Variants in LORICRIN observed in about 807,000 individuals in gnomAD.
The protein encoded by LORICRIN is loricrin cornified envelope precursor protein.
LORICRIN carries 5 observed loss-of-function variants against 3.3 expected under a neutral mutation model. The observed-to-expected ratio is 1.52, with a 90% confidence interval of 0.79 to 3.19. LORICRIN has a LOEUF of 3.19. LORICRIN is among the 30% of genes most tolerant of loss of function. The probability of loss-of-function intolerance (pLI) is 0.00; values close to 1 mark genes in which losing one functional copy is unlikely to be tolerated. For missense variants in LORICRIN, 524 were observed against 460.2 expected (o/e 1.14, Z -1.27); for synonymous variants, 237 against 231.4 (o/e 1.02, Z -0.22).
Position 153,261,961 on chromosome 1 carries a change from A to C in LORICRIN, c.*73A>C, listed in dbSNP as rs1658819649. The C allele has an allele frequency of 1.4e-6, 2 of 1,465,036 alleles. No individual in the cohort carries two copies. The highest frequency in any genetic ancestry group is 2.8e-5 in the African/African-American group (2 of 71,726). 90.8% of individuals were successfully genotyped at this position (1,465,036 alleles called of 1,614,324 possible). On this transcript the variant is annotated 3_prime_UTR_variant, in exon 2 of 2. Coordinates refer to ENST00000368742, the MANE Select transcript of LORICRIN (RefSeq NM_000427.3). Reference sequence around the variant, plus strand: ...GGGCACCGATGGGCTTAGAGCTCTCATGATGCTACCCGAGGTTTGCAAATC... The same window carrying C: ...GGGCACCGATGGGCTTAGAGCTCTCCTGATGCTACCCGAGGTTTGCAAATC...
intron 1 of LORICRIN, among the ~76,000 whole-genome samples, chr1:153,260,011 A>G (rs1658725926): frequency 6.6e-6 from 1 of 152,114 alleles, no homozygotes; most frequent in African/African-American, 2.4e-5. Flanking sequence ...GGTGCCGGGC[A>G]CAGAAGGACT....
chr1:153,261,515 A>ACTCTGGCGGCGC lies in LORICRIN; in HGVS notation c.577_578insCCTCTGGCGGCG (p.Gly192_Gly193insAlaSerGlyGly). 6.7e-7 allele frequency: 1 copy of ACTCTGGCGGCGC among 1,496,406 alleles called. No individual in the cohort carries two copies. Among genetic ancestry groups the ACTCTGGCGGCGC allele is most frequent in the Non-Finnish European group, 8.8e-7 (1 of 1,132,672 alleles). The allele number at this position is 1,496,406 out of a possible 1,614,324, so 92.7% of individuals were successfully genotyped here. A position where few individuals can be genotyped will look rare whatever the true frequency, so the allele number is the denominator to read the frequency against. On this transcript the variant is annotated inframe_insertion, in exon 2 of 2. Transcript: ENST00000368742. ...GGGGGCGGCGGCTCTGTCTGCGGCT[A>ACTCTGGCGGCGC]CTCTGGCGGCGGCTCTGGCTGCGGC...
Position 153,261,341 on chromosome 1 carries a change from G to T in LORICRIN, c.392G>T (p.Ser131Ile). The T allele has an allele frequency of 6.8e-7, 1 of 1,469,486 alleles. No homozygotes were observed. Among genetic ancestry groups the T allele is most frequent in the Non-Finnish European group, 8.9e-7 (1 of 1,118,812 alleles). 91.0% of individuals were successfully genotyped at this position (1,469,486 alleles called of 1,614,324 possible). The change falls in exon 2 of 2, where the codon AGC becomes ATC. Residue 131 changes from serine (S) to isoleucine (I), a missense_variant. Ser to Ile is a moderately radical substitution (Grantham distance 142). Transcript: ENST00000368742. Reference protein sequence around the residue: ...SSGGGSGCFSSGGGGSSGGGS... With the variant: ...SSGGGSGCFSIGGGGSSGGGS... ...GGGGGCGGCTCCGGCTGCTTCTCCA[G>T]CGGTGGGGGCGGCTCCTCCGGGGGC...
intron 1 of LORICRIN, among the ~76,000 whole-genome samples, chr1:153,260,175 C>T (rs184579694): frequency 3.0e-4 from 46 of 152,314 alleles, no homozygotes; most frequent in African/African-American, 1.1e-3. Flanking sequence ...AATCCAATTG[C>T]TGTTTTACAG....
Position 153,261,912 on chromosome 1 carries a change from G to C in LORICRIN, c.*24G>C. ...AGATCCCCCAGGGTACCACGGAGGC[G>C]AAGGAGTTGGAGGTGTTTTCCAGGG... On this transcript the variant is annotated 3_prime_UTR_variant, in exon 2 of 2. Transcript: ENST00000368742. 1 of 1,603,902 alleles carries C rather than the reference G, an allele frequency of 6.2e-7. No homozygotes were observed. The highest frequency in any genetic ancestry group is 1.7e-4 in the Middle Eastern group (1 of 6,054).
rs1658817569 is a variant in LORICRIN at position 153,261,888 on chromosome 1, G to C, written c.939G>C (p.Ter313TyrextTer37). ...AGGCGCCTACCTGGCCGTCCAAATAGATCCCCCAGGGTACCACGGAGGCGA... is the reference window on the plus strand; with the variant it reads ...AGGCGCCTACCTGGCCGTCCAAATACATCCCCCAGGGTACCACGGAGGCGA... Reference protein sequence around the residue: ...QKQAPTWPSK* With the variant: ...QKQAPTWPSKY The change falls in exon 2 of 2, where the codon TAG (stop) becomes TAC (tyrosine). Residue 313 changes from the stop codon to tyrosine, a stop_lost. Coordinates refer to ENST00000368742, the MANE Select transcript of LORICRIN (RefSeq NM_000427.3). 6.2e-7 allele frequency: 1 copy of C among 1,610,922 alleles called. No individual in the cohort carries two copies. Among genetic ancestry groups the C allele is most frequent in the Non-Finnish European group, 8.5e-7 (1 of 1,179,198 alleles).
At position 153,261,790 on chromosome 1, in the gene LORICRIN, G is replaced by A. The variant is rs778128782; in HGVS notation, c.841G>A (p.Gly281Ser). Residue 281 changes from glycine (G) to serine (S), a missense_variant, in exon 2 of 2, where the codon GGC becomes AGC. Coordinates refer to ENST00000368742, the MANE Select transcript of LORICRIN (RefSeq NM_000427.3). ...VCGGGSSGGG[G>S]GGSSVGGSGS... is the part of the protein sequence containing the mutation. ...CGGAGGTGGTTCCTCTGGAGGCGGC[G>A]GCGGCGGCTCCTCCGTGGGTGGCTC... 6 of 1,605,304 alleles carry A rather than the reference G, an allele frequency of 3.7e-6. No homozygotes were observed. The South Asian group carries it at 4.4e-5, about 12-fold the overall frequency.
chr1:153,260,645 G>A (rs1658744359), intron 1 of LORICRIN, among the ~76,000 whole-genome samples: 1 of 152,196 alleles, frequency 6.6e-6, no homozygotes, highest in African/African-American at 2.4e-5. Flanking sequence ...AGAGGCGGGC[G>A]TGTGGGTGAT....
In LORICRIN at chr1:153,261,167, G is replaced by A. The variant is rs1047143777; in HGVS notation, c.218G>A (p.Gly73Asp). The A allele has an allele frequency of 2.1e-5, 28 of 1,339,950 alleles. No homozygotes were observed. Among genetic ancestry groups the A allele is most frequent in the Admixed American group, 8.3e-5 (2 of 24,050 alleles). 83.0% of individuals were successfully genotyped at this position (1,339,950 alleles called of 1,614,324 possible). A position where few individuals can be genotyped will look rare whatever the true frequency, so the allele number is the denominator to read the frequency against. Residue 73 changes from glycine (G) to aspartate (D), a missense_variant, in exon 2 of 2, where the codon GGC (glycine) becomes GAC (aspartate). Transcript: ENST00000368742. Reference sequence around the variant, plus strand: ...GGCGGGGGCTCCTCCGGCGGCGGGGGCGGGGGCGGCATTGGAGGCTGCGGA... The same window carrying A: ...GGCGGGGGCTCCTCCGGCGGCGGGGACGGGGGCGGCATTGGAGGCTGCGGA... ...GCGGGSSGGG[G>D]GGGIGGCGGG... is the part of the protein sequence containing the mutation.
intron 1 of LORICRIN, 116 bp downstream of exon 1, chr1:153,259,849 C>T (rs1377069655): frequency 1.3e-5 from 2 of 152,328 alleles, no homozygotes; most frequent in African/African-American, 2.4e-5. Context: ...TCTGCCTTCC[C>T]AAAAGCACTC....
chr1:153,261,059 T>TCGGCGG lies in LORICRIN; in HGVS notation c.118_123dup (p.Gly40_Gly41dup), dbSNP rs770195151. 10 of 1,513,550 alleles carry TCGGCGG rather than the reference T, an allele frequency of 6.6e-6. No individual in the cohort carries two copies. Among genetic ancestry groups the TCGGCGG allele is most frequent in the Non-Finnish European group, 8.0e-6 (9 of 1,125,670 alleles). 93.8% of individuals were successfully genotyped at this position (1,513,550 alleles called of 1,614,324 possible). A position where few individuals can be genotyped will look rare whatever the true frequency, so the allele number is the denominator to read the frequency against. Reference sequence around the variant, plus strand: ...AGCGGCGGTGGTGGCTGCGGCTTCTTCGGCGGCGGCGGCTCAGGGGGCGGT... The same window carrying TCGGCGG: ...AGCGGCGGTGGTGGCTGCGGCTTCTTCGGCGGCGGCGGCGGCGGCTCAGGGGGCGGT... On this transcript the variant is annotated inframe_insertion, in exon 2 of 2. Transcript: ENST00000368742.
chr1:153,260,661 C>T (rs1412794563), intron 1 of LORICRIN, among the ~76,000 whole-genome samples: 1 of 152,136 alleles, frequency 6.6e-6, no homozygotes, highest in Non-Finnish European at 1.5e-5. Flanking sequence ...GTGATCTGCC[C>T]TCAAATCACA....
rs978384962 is a variant in LORICRIN, at chr1:153,261,691, G to C, written c.742G>C (p.Gly248Arg). The change falls in exon 2 of 2, where the codon GGG (glycine) becomes CGG (arginine). Residue 248 changes from glycine to arginine, a missense_variant. Transcript: ENST00000368742. Reference sequence around the variant, plus strand: ...CTGCTTCTCCAGCGGCGGGGGCGGCGGGAGCTCCGGCTGCGGCGGCGGCTC... The same window carrying C: ...CTGCTTCTCCAGCGGCGGGGGCGGCCGGAGCTCCGGCTGCGGCGGCGGCTC... Reference protein sequence around the residue: ...SGCFSSGGGGGSSGCGGGSSG... With the variant: ...SGCFSSGGGGRSSGCGGGSSG... The C allele has an allele frequency of 6.7e-7, 1 of 1,503,426 alleles. No individual in the cohort carries two copies. Among genetic ancestry groups the C allele is most frequent in the East Asian group, 2.6e-5 (1 of 38,468 alleles). The allele number at this position is 1,503,426 out of a possible 1,614,324, so 93.1% of individuals were successfully genotyped here. A position where few individuals can be genotyped will look rare whatever the true frequency, so the allele number is the denominator to read the frequency against.
chr1:153,261,486 C>G lies in LORICRIN; in HGVS notation c.537C>G (p.Ser179Arg), dbSNP rs780583393. Residue 179 changes from serine (S) to arginine (R), a missense_variant, in exon 2 of 2, where the codon AGC becomes AGG. Ser to Arg is a moderately radical substitution (Grantham distance 110). Transcript: ENST00000368742. Reference sequence around the variant, plus strand: ...GGGGCGGCTCCGGCTGCTTCTCCAGCGGCGGGGGCGGCGGCTCTGTCTGCG... The same window carrying G: ...GGGGCGGCTCCGGCTGCTTCTCCAGGGGCGGGGGCGGCGGCTCTGTCTGCG... ...SSGGGSGCFS[S>R]GGGGGSVCGY... 4.7e-6 allele frequency: 7 copies of G among 1,495,854 alleles called. No individual in the cohort carries two copies. Among genetic ancestry groups the G allele is most frequent in the Non-Finnish European group, 6.2e-6 (7 of 1,126,114 alleles). The allele number at this position is 1,495,854 out of a possible 1,614,324, so 92.7% of individuals were successfully genotyped here. A position where few individuals can be genotyped will look rare whatever the true frequency, so the allele number is the denominator to read the frequency against.
At position 153,260,928 on chromosome 1, in the gene LORICRIN, C is replaced by T; in HGVS notation, c.-22C>T. The T allele has an allele frequency of 6.4e-7, 1 of 1,569,486 alleles. No individual in the cohort carries two copies. Among genetic ancestry groups the T allele is most frequent in the African/African-American group, 1.4e-5 (1 of 72,060 alleles). On this transcript the variant is annotated splice_region_variant and 5_prime_UTR_variant, in exon 2 of 2. Transcript: ENST00000368742. Reference sequence around the variant, plus strand: ...CGATGCTCTCTTCTCCCCTTCCAGGCTCTCCTTCCTTCTCAGACAAGATGT... The same window carrying T: ...CGATGCTCTCTTCTCCCCTTCCAGGTTCTCCTTCCTTCTCAGACAAGATGT...
chr1:153,261,902 C>T lies in LORICRIN; in HGVS notation c.*14C>T, dbSNP rs1335311062. 6.2e-7 allele frequency: 1 copy of T among 1,608,810 alleles called. No individual in the cohort carries two copies. ...CCGTCCAAATAGATCCCCCAGGGTACCACGGAGGCGAAGGAGTTGGAGGTG... is the reference window on the plus strand; with the variant it reads ...CCGTCCAAATAGATCCCCCAGGGTATCACGGAGGCGAAGGAGTTGGAGGTG... On this transcript the variant is annotated 3_prime_UTR_variant, in exon 2 of 2. Coordinates refer to ENST00000368742, the MANE Select transcript of LORICRIN (RefSeq NM_000427.3).
Position 153,261,085 on chromosome 1 carries a change from A to G in LORICRIN, c.136A>G (p.Ser46Gly). The change falls in exon 2 of 2, where the codon AGC becomes GGC. Residue 46 changes from serine (S) to glycine (G), a missense_variant. Physicochemically the swap from Ser to Gly is moderately conservative, Grantham distance 56 (BLOSUM62 0). Transcript: ENST00000368742. ...CGGCGGCGGCGGCTCAGGGGGCGGT[A>G]GCAGCGGTTCTGGCTGCGGCTACTC... ...FFGGGGSGGG[S>G]SGSGCGYSGG... 6.9e-7 allele frequency: 1 copy of G among 1,447,166 alleles called. No homozygotes were observed. 89.6% of individuals were successfully genotyped at this position (1,447,166 alleles called of 1,614,324 possible). A position where few individuals can be genotyped will look rare whatever the true frequency, so the allele number is the denominator to read the frequency against.
At chr1:153,260,792 A>C (rs1263562862) in intron 1 of LORICRIN, 135 bp from the exon 2 acceptor site, 2 of 564,880 alleles carry the variant, frequency 3.5e-6, no homozygotes. Flanking sequence ...AGCAGCAATC[A>C]TAAGAAACCC....
intron 1 of LORICRIN, among the ~76,000 whole-genome samples, chr1:153,260,034 T>C (rs199724178): frequency 3.9e-5 from 6 of 152,112 alleles, no homozygotes; most frequent in Non-Finnish European, 8.8e-5. Flanking sequence ...GCAGAGGCTG[T>C]CCAAGGCAGC....
Sources: allele counts gnomAD v4.1 joint callset (sites outside exome capture counted in the v4.1 genomes callset), GRCh38; gene constraint gnomAD v4.1.1; transcripts MANE v1.5; gene names NCBI Gene and HGNC (gene_info 2026-07-23, HGNC 2026-07-21).